STK32C: variants seen among roughly 807,000 people sequenced by gnomAD.
The protein encoded by STK32C is serine/threonine-protein kinase 32C.
A neutral mutation model predicts 56.5 loss-of-function variants in STK32C; 31 were observed. The observed-to-expected ratio is 0.55, with a 90% CI of 0.41 to 0.74. The LOEUF is 0.74. Among genes scored for constraint, STK32C ranks in the 30% least tolerant of loss-of-function variants. The probability of loss-of-function intolerance (pLI) is 0.00; values close to 1 mark genes in which losing one functional copy is unlikely to be tolerated. For missense variants in STK32C, 544 were observed against 676.9 expected (o/e 0.80, Z 2.18); for synonymous variants, 309 against 289.4 (o/e 1.07, Z -0.69).
At chr10:132,328,910 A>G (rs1214426796) in intron 1 of STK32C, among the ~76,000 whole-genome samples, 1 of 152,246 alleles carries the variant, frequency 6.6e-6, no homozygotes, top group East Asian at 1.9e-4. Context: ...GCATGACCCC[A>G]AAAGGCTGGA....
chr10:132,330,668 C>G (rs1045479891), intron 1 of STK32C, among the ~76,000 whole-genome samples: 6 of 124,798 alleles, frequency 4.8e-5, no homozygotes, highest in African/African-American at 1.9e-4. Flanking sequence ...CCACCACACC[C>G]AGCATTTTTT....
intron 10 of STK32C, among the ~76,000 whole-genome samples, chr10:132,213,224 G>A (rs922151198): frequency 9.9e-5 from 15 of 152,214 alleles, no homozygotes; most frequent in African/African-American, 2.9e-4. Flanking sequence ...CCTGTACCCC[G>A]CTTTAGCCTG....
chr10:132,240,877 T>C (rs183279974), intron 2 of STK32C, among the ~76,000 whole-genome samples: 9 of 152,142 alleles, frequency 5.9e-5, no homozygotes, highest in Non-Finnish European at 1.3e-4. Context: ...GAGAAATCCA[T>C]CTGGGCAAGG....
intron 3 of STK32C, 64 bp downstream of exon 3, chr10:132,227,913 T>TAGC: frequency 6.3e-7 from 1 of 1,577,748 alleles, no homozygotes. Context: ...CAGGAGAGGA[T>TAGC]AGCCAGTGCC....
At chr10:132,259,278 C>CA (rs1358065129) in intron 1 of STK32C, among the ~76,000 whole-genome samples, 1 of 152,228 alleles carries the variant, frequency 6.6e-6, no homozygotes, top group Non-Finnish European at 1.5e-5. Flanking sequence ...TCTGTGTTCC[C>CA]ACCCAAATCT....
intron 1 of STK32C, among the ~76,000 whole-genome samples, chr10:132,266,364 G>C (rs1164751835): frequency 1.3e-5 from 2 of 152,148 alleles, no homozygotes; most frequent in Admixed American, 6.5e-5. Context: ...TTTCCAGAAG[G>C]AGGACAACGT....
At chr10:132,321,902 C>T (rs753074283), downstream of STK32C, among the ~76,000 whole-genome samples, 5 of 152,142 alleles carry the variant, frequency 3.3e-5, no homozygotes, top group African/African-American at 7.2e-5. Context: ...CACCTGTGTC[C>T]TGGTGCACGC....
At chr10:132,234,247 C>T (rs1403560178) in intron 2 of STK32C, among the ~76,000 whole-genome samples, 1 of 152,150 alleles carries the variant, frequency 6.6e-6, no homozygotes, top group Non-Finnish European at 1.5e-5. Context: ...CCATGCTGCC[C>T]GAGCTTGACA....
chr10:132,291,327 T>C (rs200970080), intron 1 of STK32C, among the ~76,000 whole-genome samples: 1 of 152,200 alleles, frequency 6.6e-6, no homozygotes, highest in African/African-American at 2.4e-5. Flanking sequence ...CCACTGGCTG[T>C]GGGTGACCCT....
At chr10:132,235,761 C>T (rs1013047050) in intron 2 of STK32C, among the ~76,000 whole-genome samples, 8 of 152,074 alleles carry the variant, frequency 5.3e-5, no homozygotes, top group South Asian at 2.1e-4. Flanking sequence ...TCATCCAGAT[C>T]CTGATTGAGA....
At chr10:132,209,292 C>A (rs2062213806) in intron 10 of STK32C, 191 bp from the exon 11 acceptor site, 2 of 708,908 alleles carry the variant, frequency 2.8e-6, no homozygotes, top group African/African-American at 3.5e-5. Context: ...GCGGGTGACT[C>A]ACCCAAGCCC....
At chr10:132,331,469 G>C (rs1370170181) in exon 1 of STK32C, 3 of 1,612,740 alleles carry the variant, frequency 1.9e-6, no homozygotes, top group Non-Finnish European at 2.5e-6. Context: ...CCTCCGTCCA[G>C]AGGCAGCCTT....
At chr10:132,237,731 G>A (rs1291680898) in intron 2 of STK32C, among the ~76,000 whole-genome samples, 1 of 152,172 alleles carries the variant, frequency 6.6e-6, no homozygotes, top group Non-Finnish European at 1.5e-5. Flanking sequence ...TGCCGGCGGG[G>A]CTGGCCCGGT....
At chr10:132,321,314 C>A (rs1414373805), downstream of STK32C, among the ~76,000 whole-genome samples, 6 of 152,178 alleles carry the variant, frequency 3.9e-5, no homozygotes, top group Non-Finnish European at 7.3e-5. Flanking sequence ...CCAAGCCCAG[C>A]CCACCTGCAG....
intron 1 of STK32C, among the ~76,000 whole-genome samples, chr10:132,250,088 C>T (rs1343147734): frequency 3.9e-5 from 6 of 152,264 alleles, no homozygotes; most frequent in Non-Finnish European, 7.3e-5. Context: ...CCGGTGTCTA[C>T]GGAGTCCATC....
chr10:132,243,902 G>T (rs1048223324), intron 2 of STK32C, among the ~76,000 whole-genome samples: 3 of 152,176 alleles, frequency 2.0e-5, no homozygotes, highest in Non-Finnish European at 2.9e-5. Flanking sequence ...CTCAAACACT[G>T]GCAGGGCTTG....
intron 1 of STK32C, among the ~76,000 whole-genome samples, chr10:132,268,581 G>A (rs968323377): frequency 1.4e-5 from 2 of 145,520 alleles, no homozygotes; most frequent in Admixed American, 6.8e-5. Flanking sequence ...GTACATGCAT[G>A]TGTATGCAGG....
chr10:132,225,159 C>T, intron 7 of STK32C, 74 bp downstream of exon 7: 2 of 1,278,320 alleles, frequency 1.6e-6, no homozygotes, highest in Non-Finnish European at 2.2e-6. Flanking sequence ...GGGCAGCCAC[C>T]CCCTCCCCAG....
chr10:132,275,587 C>T (rs2064970295), intron 1 of STK32C, among the ~76,000 whole-genome samples: 1 of 152,234 alleles, frequency 6.6e-6, no homozygotes. Context: ...CGTGTCACTG[C>T]AATGCAGGGT....
Sources: gnomAD v4.1 joint callset for allele counts (sites outside exome capture counted in the v4.1 genomes callset) on GRCh38, gnomAD v4.1.1 for gene constraint, MANE v1.5 for transcripts, NCBI Gene and HGNC (gene_info 2026-07-23, HGNC 2026-07-21) for gene names.